The following MAOB variants were observed in gnomAD, a reference collection of about 807,000 sequenced individuals.
The protein encoded by MAOB is amine oxidase [flavin-containing] B.
Under a neutral mutation model 41.9 loss-of-function variants are expected in MAOB, and 15 were observed. The observed-to-expected ratio is 0.36, with a 90% CI of 0.24 to 0.55. The LOEUF is 0.55. Ranked by LOEUF, MAOB falls within the 20% of genes least tolerant of loss-of-function variation. The pLI is 0.86. For missense variants in MAOB, 345 were observed against 398.7 expected (o/e 0.87, Z 1.15); for synonymous variants, 167 against 144.2 (o/e 1.16, Z -1.13).
intron 5 of MAOB, among the ~76,000 whole-genome samples, 191 bp downstream of exon 5, chrX:43,801,981 C>T (rs1032407386): frequency 3.5e-5 from 4 of 112,961 alleles, no homozygotes; most frequent in Non-Finnish European, 7.5e-5. Context: ...CAAAACTACT[C>T]CAAAGAAGTA....
chrX:43,875,016 G>A (rs1395680235), intron 1 of MAOB, among the ~76,000 whole-genome samples: 1 of 112,147 alleles, frequency 8.9e-6, no homozygotes, highest in African/African-American at 3.2e-5. Context: ...ATAAATGCAT[G>A]CTGACTTAGG....
chrX:43,795,691 G>A, intron 7 of MAOB, 48 bp downstream of exon 7: 1 of 1,075,469 alleles, frequency 9.3e-7, no homozygotes, highest in South Asian at 2.1e-5. Flanking sequence ...TTGTATGCCA[G>A]GAAACTGGGA....
intron 2 of MAOB, among the ~76,000 whole-genome samples, chrX:43,841,142 T>A (rs1015855945): frequency 3.6e-5 from 4 of 111,670 alleles, no homozygotes. Context: ...ATATGTCTTA[T>A]CTCTCTGGAA....
chrX:43,872,940 T>C (rs1569233742), intron 1 of MAOB, among the ~76,000 whole-genome samples: 2 of 112,422 alleles, frequency 1.8e-5, no homozygotes, highest in Non-Finnish European at 3.8e-5. Flanking sequence ...ATTCATGCTA[T>C]TAAAAAAGAT....
At chrX:43,878,446 G>GTGT (rs1336986554) in intron 1 of MAOB, among the ~76,000 whole-genome samples, 6 of 97,369 alleles carry the variant, frequency 6.2e-5, no homozygotes, top group African/African-American at 2.2e-4. Flanking sequence ...GTGTGTGTGT[G>GTGT]GAGACCATGT....
chrX:43,775,826 T>G (rs990609658), intron 11 of MAOB, among the ~76,000 whole-genome samples: 1 of 111,970 alleles, frequency 8.9e-6, no homozygotes, highest in Admixed American at 9.5e-5. Flanking sequence ...ACAGGAAAAA[T>G]TGGCAGAGAT....
At chrX:43,803,430 A>C (rs3027462) in intron 3 of MAOB, 26 bp from the exon 4 acceptor site, 1 of 1,163,487 alleles carries the variant, frequency 8.6e-7, no homozygotes, top group Admixed American at 3.1e-5. Context: ...TATTTTTAAA[A>C]GGAAATATTT....
intron 1 of MAOB, among the ~76,000 whole-genome samples, chrX:43,865,375 T>A (rs1280294398): frequency 8.9e-6 from 1 of 111,789 alleles, no homozygotes; most frequent in Non-Finnish European, 1.9e-5. Context: ...GAAAGTAGAT[T>A]AATGGTTGTA....
intron 3 of MAOB, among the ~76,000 whole-genome samples, chrX:43,814,378 A>G (rs991921074): frequency 8.9e-6 from 1 of 111,739 alleles, no homozygotes. Context: ...TCTTTCCTCA[A>G]AGGCTTTTTA....
intron 3 of MAOB, among the ~76,000 whole-genome samples, chrX:43,819,737 AT>A (rs1169052998): frequency 9.0e-6 from 1 of 111,628 alleles, no homozygotes; most frequent in Non-Finnish European, 1.9e-5. Context: ...TCATTTGAGA[AT>A]TGAGGTGTTT....
intron 5 of MAOB, among the ~76,000 whole-genome samples, chrX:43,798,664 A>T (rs181094328): frequency 9.0e-6 from 1 of 111,693 alleles, no homozygotes; most frequent in African/African-American, 3.2e-5. Flanking sequence ...TTTCTTTAAT[A>T]AGGTCCAATT....
intron 1 of MAOB, among the ~76,000 whole-genome samples, chrX:43,878,445 TGG>T (rs1569234769): frequency 2.1e-5 from 2 of 93,028 alleles, no homozygotes; most frequent in Non-Finnish European, 4.4e-5. Context: ...TGTGTGTGTG[TGG>T]AGACCATGTC....
chrX:43,823,289 C>T (rs1042605868), intron 3 of MAOB, among the ~76,000 whole-genome samples: 3 of 105,806 alleles, frequency 2.8e-5, no homozygotes, highest in African/African-American at 1.0e-4. Context: ...TCTCCTGCCT[C>T]AGCCTCCCAA....
intron 13 of MAOB, 136 bp from the exon 14 acceptor site, chrX:43,768,852 A>T (rs1276076452): frequency 5.8e-6 from 3 of 513,449 alleles, no homozygotes; most frequent in Non-Finnish European, 9.9e-6. Flanking sequence ...CACTCCATAC[A>T]ACCTTTAAGA....
chrX:43,810,835 G>C (rs1250337372), intron 3 of MAOB, among the ~76,000 whole-genome samples: 1 of 111,402 alleles, frequency 9.0e-6, no homozygotes, highest in Non-Finnish European at 1.9e-5. Flanking sequence ...GATTATACAA[G>C]GTACACAGGA....
At position 43,768,765 on chromosome X, in the gene MAOB, C is replaced by T. The variant is rs1396178627; in HGVS notation, c.1348-49G>A. Reference sequence around the variant, plus strand: ...AAATAGCAAAAGTGACACCATCTTTCTTCTAATCTGCTCCCTAAAGGACTA... The same window carrying T: ...AAATAGCAAAAGTGACACCATCTTTTTTCTAATCTGCTCCCTAAAGGACTA... On this transcript the variant is annotated intron_variant, in intron 13 of 14. Transcript: ENST00000378069. 3.9e-6 allele frequency: 4 copies of T among 1,017,070 alleles called. No homozygotes were observed. The Admixed American group carries it at 8.8e-5, about 22-fold the overall frequency. The allele number at this position is 1,017,070 out of a possible 1,213,427, so 83.8% of individuals were successfully genotyped here.
intron 3 of MAOB, among the ~76,000 whole-genome samples, chrX:43,811,956 T>A (rs1007078226): frequency 9.8e-5 from 11 of 111,855 alleles, no homozygotes; most frequent in East Asian, 2.8e-4. Flanking sequence ...TATTTTTTTT[T>A]ATCCATTAAC....
intron 3 of MAOB, among the ~76,000 whole-genome samples, chrX:43,832,299 G>C (rs908568332): frequency 8.9e-6 from 1 of 112,251 alleles, no homozygotes; most frequent in African/African-American, 3.2e-5. Flanking sequence ...CAACCTTAAA[G>C]CTCTAAGAGA....
chrX:43,818,209 T>C (rs1428333425), intron 3 of MAOB, among the ~76,000 whole-genome samples: 2 of 112,397 alleles, frequency 1.8e-5, no homozygotes, highest in Non-Finnish European at 3.8e-5. Context: ...TTCATTCCTT[T>C]TTAGGGCTGA....
Sources: allele counts gnomAD v4.1 joint callset (sites outside exome capture counted in the v4.1 genomes callset), GRCh38; gene constraint gnomAD v4.1.1; transcripts MANE v1.5; gene names NCBI Gene and HGNC (gene_info 2026-07-23, HGNC 2026-07-21).